The following GDF9 variants were observed in gnomAD, a reference collection of about 807,000 sequenced individuals.
GDF9 encodes the protein growth differentiation factor 9, also known as growth/differentiation factor 9.
In GDF9, 30 loss-of-function variants were observed where a neutral mutation model predicts 33.8. The ratio of observed to expected loss-of-function variants is 0.89; its 90% CI spans 0.66 to 1.20. The LOEUF (loss-of-function observed/expected upper bound fraction) is 1.20. Among genes scored for constraint, GDF9 ranks in the 50% most tolerant of loss-of-function variants. The pLI, the probability that GDF9 is intolerant of heterozygous loss-of-function variation, is 0.00. For synonymous variants in GDF9, 205 were observed against 200.7 expected (o/e 1.02, Z -0.18); for missense variants, 556 against 543.7 (o/e 1.02, Z -0.22).
At position 132,862,457 on chromosome 5, in the gene GDF9, A is replaced by G; in HGVS notation, c.497T>C (p.Val166Ala). Residue 166 changes from valine to alanine, a missense_variant, in exon 2 of 2, where the codon GTT (valine) becomes GCT (alanine). By Grantham distance (64) the Val-to-Ala change is moderately conservative. Transcript: ENST00000687138. ...ACATTTGACAGCAGAGGAAAAAGAA[A>G]CTGAGTTGTTGATATTGTACAGCAA... ...SVLLYNINNS[V>A]SFSSAVKCVC... The G allele has an allele frequency of 1.9e-6, 3 of 1,614,088 alleles. No homozygotes were observed. Among genetic ancestry groups the G allele is most frequent in the Non-Finnish European group, 2.5e-6 (3 of 1,179,988 alleles).
Position 132,862,548 on chromosome 5 carries a change from G to A in GDF9, c.406C>T (p.Pro136Ser). The A allele has an allele frequency of 1.9e-6, 3 of 1,605,198 alleles. No homozygotes were observed. Among genetic ancestry groups the A allele is most frequent in the Non-Finnish European group, 2.5e-6 (3 of 1,178,502 alleles). The change falls in exon 2 of 2, where the codon CCA (proline) becomes TCA (serine). Residue 136 changes from proline (P) to serine (S), a missense_variant. Coordinates refer to ENST00000687138, the MANE Select transcript of GDF9 (RefSeq NM_005260.7). ...AGGTTAAATAGCAGTTCCACTGATG[G>A]AAGGATTCCTAAGAAGAAAAAAAAT... ...APGDQVTGIL[P>S]SVELLFNLDR...
Position 132,862,274 on chromosome 5 carries a change from T to C in GDF9, c.680A>G (p.Asn227Ser), listed in dbSNP as rs750431662. The C allele has an allele frequency of 4.3e-6, 7 of 1,613,884 alleles. No individual in the cohort carries two copies. The East Asian group carries it at 8.9e-5, about 21-fold the overall frequency. ...TSLLQPLVAS[N>S]KRSIHMSINF... is the part of the protein sequence containing the mutation. ...TATAGACATGTGAATACTTCTCTTG[T>C]TGGAGGCCACTAAAGGTTGAAGGAG... is the stretch of plus-strand genomic sequence containing the variant. The change falls in exon 2 of 2, where the codon AAC becomes AGC. Residue 227 changes from asparagine to serine, a missense_variant. Coordinates refer to ENST00000687138, the MANE Select transcript of GDF9 (RefSeq NM_005260.7).
At position 132,861,357 on chromosome 5, in the gene GDF9, A is replaced by C. The variant is rs993538789; in HGVS notation, c.*232T>G. The C allele has an allele frequency of 5.8e-6, 3 of 512,848 alleles. No individual in the cohort carries two copies. The East Asian group carries it at 1.0e-4, about 17-fold the overall frequency. The allele number at this position is 512,848 out of a possible 1,614,324, so 31.8% of individuals were successfully genotyped here. ...AGGAAAAAAATGTAAAGTTCTCCAC[A>C]ATAATTATATTTCATTTAAATTTGG... is the stretch of plus-strand genomic sequence containing the variant. On this transcript the variant is annotated 3_prime_UTR_variant, in exon 2 of 2. Transcript: ENST00000687138.
upstream of GDF9, chr5:132,866,630 G>A (rs1759622912): frequency 1.7e-6 from 1 of 577,712 alleles, no homozygotes; most frequent in African/African-American, 1.9e-5. Flanking sequence ...TTCCAACCTT[G>A]CCGGAAATGA....
rs1759439019 is a variant in GDF9 at position 132,864,118 on chromosome 5, C to T, written c.397+19G>A. On this transcript the variant is annotated intron_variant, in intron 1 of 1. Coordinates refer to ENST00000687138, the MANE Select transcript of GDF9 (RefSeq NM_005260.7). ...TATCATCTTCCCTCCACCCAGTTAA[C>T]CAATCTGCTTTCACATACCTGTTAC... 6.2e-7 allele frequency: 1 copy of T among 1,613,736 alleles called. No homozygotes were observed. Among genetic ancestry groups the T allele is most frequent in the African/African-American group, 1.3e-5 (1 of 75,032 alleles).
Position 132,862,180 on chromosome 5 carries a change from C to T in GDF9, c.774G>A (p.Leu258=). The change falls in exon 2 of 2, where the codon CTG becomes CTA. Residue 258 remains leucine (L), a synonymous_variant. Transcript: ENST00000687138. ...SAQNGLFNMT[L]VSPSLILYLN... Reference sequence around the variant, plus strand: ...AATATAAGATCAGTGAGGGGGACACCAGAGTCATGTTAAACAAACCATTCT... The same window carrying T: ...AATATAAGATCAGTGAGGGGGACACTAGAGTCATGTTAAACAAACCATTCT... 6.2e-7 allele frequency: 1 copy of T among 1,613,748 alleles called. No homozygotes were observed. The highest frequency in any genetic ancestry group is 2.2e-5 in the East Asian group (1 of 44,890).
At position 132,862,036 on chromosome 5, in the gene GDF9, A is replaced by G. The variant is rs144179250; in HGVS notation, c.918T>C (p.Ala306=). 5.0e-5 allele frequency: 80 copies of G among 1,613,924 alleles called. No individual in the cohort carries two copies. The highest frequency in any genetic ancestry group is 6.6e-5 in the Non-Finnish European group (78 of 1,179,762). The change falls in exon 2 of 2, where the codon GCT becomes GCC. Residue 306 remains alanine (A), a synonymous_variant. Coordinates refer to ENST00000687138, the MANE Select transcript of GDF9 (RefSeq NM_005260.7). The stretch of plus-strand genomic sequence containing the variant: ...GATGGGAAGATCTCCCATCCTCAGC[A>G]GCCTCTTCTCCCACAGGATAGGCAG... ...SLSAYPVGEE[A]AEDGRSSHHR...
At chr5:132,866,622 C>T, upstream of GDF9, 2 of 572,970 alleles carry the variant, frequency 3.5e-6, no homozygotes, top group East Asian at 3.0e-5. Flanking sequence ...AGAGCGGCTT[C>T]CAACCTTGCC....
intron 1 of GDF9, among the ~76,000 whole-genome samples, chr5:132,863,305 G>A (rs1403530877): frequency 6.6e-6 from 1 of 152,170 alleles, no homozygotes; most frequent in African/African-American, 2.4e-5. Context: ...AATGTAATTG[G>A]TCCTAGTTAA....
rs1040665185 is a variant in GDF9 at position 132,865,614 on chromosome 5, C to G, written c.-1081G>C. On this transcript the variant is annotated 5_prime_UTR_variant, in exon 1 of 2. Coordinates refer to ENST00000687138, the MANE Select transcript of GDF9 (RefSeq NM_005260.7). The stretch of plus-strand genomic sequence containing the variant: ...GTGCAAGATACGAAGCCAGTTTGTG[C>G]AGTACCTACATGAGAAAACTAAGGT... 6.6e-6 allele frequency: 1 copy of G among 152,156 alleles called. No homozygotes were observed. The highest frequency in any genetic ancestry group is 1.5e-5 in the Non-Finnish European group (1 of 68,034). The allele number at this position is 152,156 out of a possible 1,614,324, so 9.4% of individuals were successfully genotyped here. A position where few individuals can be genotyped will look rare whatever the true frequency, so the allele number is the denominator to read the frequency against.
chr5:132,861,410 T>A lies in GDF9; in HGVS notation c.*179A>T. ...ATAAAAAAAGGCTCTGTAGCAACAATTGATGTTATCCCTTTATCCTGATAG... is the reference window on the plus strand; with the variant it reads ...ATAAAAAAAGGCTCTGTAGCAACAAATGATGTTATCCCTTTATCCTGATAG... On this transcript the variant is annotated 3_prime_UTR_variant, in exon 2 of 2. Coordinates refer to ENST00000687138, the MANE Select transcript of GDF9 (RefSeq NM_005260.7). 1 of 623,172 alleles carries A rather than the reference T, an allele frequency of 1.6e-6. No homozygotes were observed. The highest frequency in any genetic ancestry group is 2.0e-5 in the South Asian group (1 of 51,064). 38.6% of individuals were successfully genotyped at this position (623,172 alleles called of 1,614,324 possible). A position where few individuals can be genotyped will look rare whatever the true frequency, so the allele number is the denominator to read the frequency against.
rs1759473323 is a variant in GDF9 at position 132,864,446 on chromosome 5, C to T, written c.88G>A (p.Gly30Arg). The T allele has an allele frequency of 1.2e-6, 2 of 1,613,604 alleles. No homozygotes were observed. The highest frequency in any genetic ancestry group is 1.1e-5 in the South Asian group (1 of 91,040). ...GCACTAGCAGCAATCTGAGCTTCTC[C>T]CCCAGAAGCCTGAGAACCAAGGCTA... ...PISLGSQASGGEAQIAASAEL... is the reference protein window; with the variant it reads ...PISLGSQASGREAQIAASAEL... The change falls in exon 1 of 2, where the codon GGA becomes AGA. Residue 30 changes from glycine to arginine, a missense_variant. Physicochemically the swap from Gly to Arg is moderately radical, Grantham distance 125. Coordinates refer to ENST00000687138, the MANE Select transcript of GDF9 (RefSeq NM_005260.7).
rs1161373844 is a variant in GDF9, at chr5:132,864,719, C to T, written c.-186G>A. On this transcript the variant is annotated 5_prime_UTR_variant, in exon 1 of 2. Transcript: ENST00000687138. ...CAGCTCTATATCAAGCAGCTGATAA[C>T]ACCTTATTTAGCCAATTTGTTAATT... The T allele has an allele frequency of 1.7e-6, 1 of 600,684 alleles. No individual in the cohort carries two copies. Among genetic ancestry groups the T allele is most frequent in the Non-Finnish European group, 2.9e-6 (1 of 341,056 alleles). 37.2% of individuals were successfully genotyped at this position (600,684 alleles called of 1,614,324 possible). A position where few individuals can be genotyped will look rare whatever the true frequency, so the allele number is the denominator to read the frequency against.
In GDF9 at chr5:132,864,715, A is replaced by T. The variant is rs1759496954; in HGVS notation, c.-182T>A. On this transcript the variant is annotated 5_prime_UTR_variant, in exon 1 of 2. Coordinates refer to ENST00000687138, the MANE Select transcript of GDF9 (RefSeq NM_005260.7). ...TTATCAGCTCTATATCAAGCAGCTG[A>T]TAACACCTTATTTAGCCAATTTGTT... 1 of 605,144 alleles carries T rather than the reference A, an allele frequency of 1.7e-6. No individual in the cohort carries two copies. The highest frequency in any genetic ancestry group is 3.1e-5 in the Admixed American group (1 of 32,712). 37.5% of individuals were successfully genotyped at this position (605,144 alleles called of 1,614,324 possible).
rs761887761 is a variant in GDF9 at position 132,864,186 on chromosome 5, G to A, written c.348C>T (p.Leu116=). 5.6e-6 allele frequency: 9 copies of A among 1,614,098 alleles called. No homozygotes were observed. The highest frequency in any genetic ancestry group is 6.8e-6 in the Non-Finnish European group (8 of 1,180,046). Residue 116 remains leucine, a synonymous_variant, in exon 1 of 2, where the codon CTC becomes CTT. Transcript: ENST00000687138. The stretch of plus-strand genomic sequence containing the variant: ...GCTTGTGCCGGGTACAGGGGGTGAA[G>A]AGCCGAACAGTGTTGTAGAGGTGAC... ...NRSHLYNTVR[L]FTPCTRHKQA... is the part of the protein sequence containing the mutation.
chr5:132,863,889 G>A (rs1187203650), intron 1 of GDF9, among the ~76,000 whole-genome samples: 1 of 152,126 alleles, frequency 6.6e-6, no homozygotes, highest in Non-Finnish European at 1.5e-5. Flanking sequence ...CAGCACTTCC[G>A]CTCAGCCTTG....
At chr5:132,863,565 G>A (rs546489478) in intron 1 of GDF9, among the ~76,000 whole-genome samples, 20 of 151,474 alleles carry the variant, frequency 1.3e-4, no homozygotes, top group South Asian at 8.4e-4. Flanking sequence ...TCAGCCTCCC[G>A]AGTAGCTGGG....
rs1323623697 is a variant in GDF9, at chr5:132,861,661, G to A, written c.1293C>T (p.Thr431=). 3 of 1,606,222 alleles carry A rather than the reference G, an allele frequency of 1.9e-6. No homozygotes were observed. The highest frequency in any genetic ancestry group is 1.3e-5 in the African/African-American group (1 of 74,780). Residue 431 remains threonine, a synonymous_variant, in exon 2 of 2, where the codon ACC becomes ACT. Coordinates refer to ENST00000687138, the MANE Select transcript of GDF9 (RefSeq NM_005260.7). Reference sequence around the variant, plus strand: ...AGGCAATTGAGCCATCGGGCTCAATGGTCAAAACACTCAAGGGGCTGTATT... The same window carrying A: ...AGGCAATTGAGCCATCGGGCTCAATAGTCAAAACACTCAAGGGGCTGTATT... ...PAKYSPLSVL[T]IEPDGSIAYK...
chr5:132,865,483 T>C lies in GDF9; in HGVS notation c.-950A>G, dbSNP rs948781651. ...GGAGCTGAGACCAGGCTAGACATTA[T>C]GGTTTAAAAAAATGAGGCAAAGGAG... On this transcript the variant is annotated 5_prime_UTR_variant, in exon 1 of 2. Coordinates refer to ENST00000687138, the MANE Select transcript of GDF9 (RefSeq NM_005260.7). 26 of 152,154 alleles carry C rather than the reference T, an allele frequency of 1.7e-4. No homozygotes were observed. Among genetic ancestry groups the C allele is most frequent in the African/African-American group, 6.3e-4 (26 of 41,406 alleles). 9.4% of individuals were successfully genotyped at this position (152,154 alleles called of 1,614,324 possible). A position where few individuals can be genotyped will look rare whatever the true frequency, so the allele number is the denominator to read the frequency against.
Sources: allele counts gnomAD v4.1 joint callset (sites outside exome capture counted in the v4.1 genomes callset), GRCh38; gene constraint gnomAD v4.1.1; transcripts MANE v1.5; gene names NCBI Gene and HGNC (gene_info 2026-07-23, HGNC 2026-07-21).